The following SPECC1 variants were observed in gnomAD, a reference collection of about 807,000 sequenced individuals.
The protein encoded by SPECC1 is sperm antigen with calponin homology and coiled-coil domains 1, also known as cytospin-B.
In SPECC1, 62 loss-of-function variants were observed where a neutral mutation model predicts 104.1. The observed-to-expected ratio is 0.60, with a 90% confidence interval of 0.49 to 0.74. SPECC1 has a LOEUF of 0.74. SPECC1 is among the 30% of genes least tolerant of loss of function. The pLI is 0.00. For synonymous variants in SPECC1, 513 were observed against 501.6 expected (o/e 1.02, Z -0.30); for missense variants, 1,306 against 1,310.5 (o/e 1.00, Z 0.05).
At chr17:20,200,927 A>ATCCAGCC (rs2036390612) in intron 3 of SPECC1, among the ~76,000 whole-genome samples, 1 of 152,182 alleles carries the variant, frequency 6.6e-6, no homozygotes, top group African/African-American at 2.4e-5. Context: ...AGATATAACA[A>ATCCAGCC]AAATATGGCT....
Position 20,204,980 on chromosome 17 carries a change from A to C in SPECC1, c.931A>C (p.Thr311Pro). The C allele has an allele frequency of 6.2e-7, 1 of 1,614,202 alleles. No individual in the cohort carries two copies. The highest frequency in any genetic ancestry group is 8.5e-7 in the Non-Finnish European group (1 of 1,180,038). Residue 311 changes from threonine (T) to proline (P), a missense_variant, in exon 4 of 15, where the codon ACA (threonine) becomes CCA (proline). Physicochemically the swap from Thr to Pro is conservative, Grantham distance 38. Transcript: ENST00000395527. ...AAACATACATGGAAATGCATTACGG[A>C]CATCAGGCTCCTCAAGTAGCGATGT... is the stretch of plus-strand genomic sequence containing the variant. ...KKNIHGNALR[T>P]SGSSSSDVTK... is the part of the protein sequence containing the mutation.
At chr17:20,076,311 C>CA (rs1435089569) in intron 1 of SPECC1, among the ~76,000 whole-genome samples, 2 of 152,150 alleles carry the variant, frequency 1.3e-5, no homozygotes. Flanking sequence ...ACTATCCTCC[C>CA]ACCTCAGCCT....
At chr17:20,227,658 T>C in intron 5 of SPECC1, 38 bp downstream of exon 5, 2 of 1,590,252 alleles carry the variant, frequency 1.3e-6, no homozygotes, top group Middle Eastern at 1.7e-4. Flanking sequence ...CTCACACCTA[T>C]AATCCCAGCA....
At chr17:20,215,513 TTTAA>T (rs2151402981) in intron 4 of SPECC1, among the ~76,000 whole-genome samples, 1 of 152,352 alleles carries the variant, frequency 6.6e-6, no homozygotes, top group Admixed American at 6.5e-5. Flanking sequence ...TCTGTACAAC[TTTAA>T]TGTTACTGGA....
At chr17:20,107,128 AGTGAGACTC>A (rs1430343753) in intron 2 of SPECC1, among the ~76,000 whole-genome samples, 4 of 125,052 alleles carry the variant, frequency 3.2e-5, no homozygotes, top group Admixed American at 2.8e-4. Flanking sequence ...TGGGCGACAG[AGTGAGACTC>A]GTGTCTCAAA....
At chr17:20,246,092 T>C (rs1443839243) in intron 8 of SPECC1, 21 bp downstream of exon 8, 1 of 1,612,170 alleles carries the variant, frequency 6.2e-7, no homozygotes, top group Non-Finnish European at 8.5e-7. Context: ...ATTTTTTCTA[T>C]AAGCAAAGCT....
rs568043243 is a variant in SPECC1 at position 20,112,982 on chromosome 17, G to A, written c.283+2420G>A. ...AACACCACTACACATGTCACAAAGT[G>A]TTAGATGAGAATTTTAGGGGCTGGA... On this transcript the variant is annotated intron_variant, in intron 3 of 14. Transcript: ENST00000395527. 4 of 1,108,200 alleles carry A rather than the reference G, an allele frequency of 3.6e-6. No homozygotes were observed. In the East Asian group the frequency reaches 7.0e-5, roughly 19 times the overall value. The allele number at this position is 1,108,200 out of a possible 1,614,324, so 68.6% of individuals were successfully genotyped here.
At chr17:20,110,608 C>A in intron 3 of SPECC1, 46 bp downstream of exon 3, 1 of 1,561,140 alleles carries the variant, frequency 6.4e-7, no homozygotes, top group East Asian at 2.3e-5. Flanking sequence ...TCAGTCCTGG[C>A]CGCATGGAAG....
rs190885193 is a variant in SPECC1 at position 20,143,170 on chromosome 17, T to C, written c.283+32608T>C. ...CAGTGTTTGCCACAGGAATATTCTT[T>C]ATAGGAAAAAAAAAAAAAAGCCTGG... On this transcript the variant is annotated intron_variant, in intron 3 of 14. Transcript: ENST00000395527. Among the ~76,000 whole-genome samples, 649 of 114,242 alleles carry C rather than the reference T, an allele frequency of 5.7e-3. 4 individuals are homozygous for C. The highest frequency in any genetic ancestry group is 0.02 in the African/African-American group (608 of 29,904). 74.9% of individuals were successfully genotyped at this position (114,242 alleles called of 152,430 possible).
chr17:20,117,087 G>A (rs903730481), intron 3 of SPECC1, among the ~76,000 whole-genome samples: 4 of 151,934 alleles, frequency 2.6e-5, no homozygotes, highest in African/African-American at 4.8e-5. Context: ...TCAGTGGAAC[G>A]GTGGACAAAG....
rs945375668 is a variant in SPECC1 at position 20,052,266 on chromosome 17, G to A, written c.-22+42842G>A. Among the ~76,000 whole-genome samples, 22 of 152,258 alleles carry A rather than the reference G, an allele frequency of 1.4e-4. 1 individual carries two copies. Among genetic ancestry groups the A allele is most frequent in the Admixed American group, 4.6e-4 (7 of 15,296 alleles). ...TAGTGACTGCTAAAATGGGGGAACCGCAGGTATTACTGTATTCATTTCCAT... is the reference window on the plus strand; with the variant it reads ...TAGTGACTGCTAAAATGGGGGAACCACAGGTATTACTGTATTCATTTCCAT... On this transcript the variant is annotated intron_variant, in intron 1 of 14. Transcript: ENST00000395527.
intron 9 of SPECC1, among the ~76,000 whole-genome samples, chr17:20,251,857 A>G (rs2039645325): frequency 1.3e-5 from 2 of 152,196 alleles, no homozygotes; most frequent in African/African-American, 2.4e-5. Flanking sequence ...TTGCCATTTT[A>G]TAAATAAAGA....
chr17:20,165,762 A>G (rs1259036690), intron 3 of SPECC1, among the ~76,000 whole-genome samples: 1 of 152,214 alleles, frequency 6.6e-6, no homozygotes, highest in African/African-American at 2.4e-5. Flanking sequence ...ATGGTATGTC[A>G]TTGTGGTTTT....
At chr17:20,171,612 A>G (rs865952857) in intron 3 of SPECC1, among the ~76,000 whole-genome samples, 1 of 152,012 alleles carries the variant, frequency 6.6e-6, no homozygotes, top group Non-Finnish European at 1.5e-5. Flanking sequence ...CAGTGGTGCA[A>G]TCATGGCTCA....
At chr17:20,099,659 C>T (rs145760476) in intron 2 of SPECC1, among the ~76,000 whole-genome samples, 271 of 132,188 alleles carry the variant, frequency 2.1e-3, no homozygotes, top group African/African-American at 7.5e-3. Context: ...CGCACCACTG[C>T]ACTCCAGCCT....
intron 3 of SPECC1, among the ~76,000 whole-genome samples, chr17:20,187,282 G>A (rs192855121): frequency 3.2e-4 from 49 of 152,260 alleles, no homozygotes; most frequent in African/African-American, 1.1e-3. Context: ...TGACTTCCCA[G>A]CATTTAACCC....
intron 1 of SPECC1, among the ~76,000 whole-genome samples, chr17:20,014,039 A>C (rs969208217): frequency 1.3e-5 from 2 of 151,946 alleles, no homozygotes; most frequent in Non-Finnish European, 2.9e-5. Flanking sequence ...TTTAGTAGAT[A>C]CTAGCAAACA....
chr17:20,199,390 T>G (rs1286360830), intron 3 of SPECC1, among the ~76,000 whole-genome samples: 10 of 141,192 alleles, frequency 7.1e-5, no homozygotes, highest in East Asian at 6.2e-4. Context: ...CTGGTTTTTT[T>G]TTTTTTTTTT....
intron 1 of SPECC1, among the ~76,000 whole-genome samples, chr17:20,095,051 T>A (rs1486716025): frequency 6.6e-6 from 1 of 152,246 alleles, no homozygotes; most frequent in Non-Finnish European, 1.5e-5. Context: ...GTAATTCTCT[T>A]CAAGAGTCAC....
Sources: gnomAD v4.1 joint callset for allele counts (sites outside exome capture counted in the v4.1 genomes callset) on GRCh38, gnomAD v4.1.1 for gene constraint, MANE v1.5 for transcripts, NCBI Gene and HGNC (gene_info 2026-07-23, HGNC 2026-07-21) for gene names.